Variants in HTR1E observed in about 807,000 individuals in gnomAD.
The protein encoded by HTR1E is 5-hydroxytryptamine receptor 1E.
A neutral mutation model predicts 3.4 loss-of-function variants in HTR1E; 3 were observed. That is an observed-to-expected ratio of 0.89 (90% CI 0.41 to 2.31). HTR1E has a LOEUF of 2.31. Ranked by LOEUF, HTR1E falls within the 30% of genes most tolerant of loss-of-function variation. HTR1E has a pLI of 0.05. For synonymous variants in HTR1E, 170 were observed against 182.8 expected (o/e 0.93, Z 0.56); for missense variants, 392 against 467.0 (o/e 0.84, Z 1.48).
intron 1 of HTR1E, among the ~76,000 whole-genome samples, chr6:87,007,083 T>C (rs1456448283): frequency 6.6e-6 from 1 of 152,030 alleles, no homozygotes; most frequent in Non-Finnish European, 1.5e-5. Context: ...GAACTTAAAA[T>C]AAAAATAAAA....
At chr6:86,991,969 A>G (rs1415087662) in intron 1 of HTR1E, among the ~76,000 whole-genome samples, 1 of 152,124 alleles carries the variant, frequency 6.6e-6, no homozygotes, top group Non-Finnish European at 1.5e-5. Context: ...CATTTTGCCA[A>G]TCACTTGCAT....
At chr6:86,976,686 A>T (rs1368505886) in intron 1 of HTR1E, among the ~76,000 whole-genome samples, 1 of 152,198 alleles carries the variant, frequency 6.6e-6, no homozygotes, top group Non-Finnish European at 1.5e-5. Flanking sequence ...TGCTTTTATA[A>T]AGAAAGAAAC....
rs1397197942 is a variant in HTR1E, at chr6:86,939,050, C to T, written c.-186+1227C>T. Among the ~76,000 whole-genome samples the T allele has an allele frequency of 3.6e-4, 55 of 152,144 alleles. 1 individual carries two copies. Among genetic ancestry groups the T allele is most frequent in the Admixed American group, 3.6e-3 (55 of 15,268 alleles). On this transcript the variant is annotated intron_variant, in intron 1 of 1. Coordinates refer to ENST00000305344, the MANE Select transcript of HTR1E (RefSeq NM_000865.3). ...CTTCATGAGGAGCATATGTGAAATA[C>T]CTTTGAAATACAGAGAAGATTGAGA...
rs1276169513 is a variant in HTR1E, at chr6:87,010,251, G to GACGA, written c.-185-4899_-185-4898insACGA. 1.1e-3 allele frequency among the ~76,000 whole-genome samples: 130 copies of GACGA among 113,710 alleles called. 1 individual carries two copies. The highest frequency in any genetic ancestry group is 4.4e-3 in the South Asian group (13 of 2,922). 74.6% of individuals were successfully genotyped at this position (113,710 alleles called of 152,430 possible). A position where few individuals can be genotyped will look rare whatever the true frequency, so the allele number is the denominator to read the frequency against. On this transcript the variant is annotated intron_variant, in intron 1 of 1. Coordinates refer to ENST00000305344, the MANE Select transcript of HTR1E (RefSeq NM_000865.3). ...GGGCTGAGGGGCTCCTCACTTCTCA[G>GACGA]TAGGGGCGGCCGGGCAGAGGTGCCC...
At chr6:86,982,724 G>A (rs1221933656) in intron 1 of HTR1E, among the ~76,000 whole-genome samples, 1 of 152,176 alleles carries the variant, frequency 6.6e-6, no homozygotes, top group African/African-American at 2.4e-5. Context: ...GTGAAACAAA[G>A]AACGATTATA....
chr6:86,984,845 T>C (rs1582272461), intron 1 of HTR1E, among the ~76,000 whole-genome samples: 2 of 152,312 alleles, frequency 1.3e-5, no homozygotes, highest in South Asian at 2.1e-4. Context: ...TTTGCTCACA[T>C]TTCATTGATG....
chr6:86,982,394 TG>T (rs752785954), intron 1 of HTR1E, among the ~76,000 whole-genome samples: 2 of 152,200 alleles, frequency 1.3e-5, no homozygotes, highest in Non-Finnish European at 2.9e-5. Flanking sequence ...TTGGGTTTCT[TG>T]GAAATAGATT....
At chr6:86,963,218 CAAAA>C (rs1453367730) in intron 1 of HTR1E, among the ~76,000 whole-genome samples, 2 of 151,210 alleles carry the variant, frequency 1.3e-5, no homozygotes, top group African/African-American at 2.4e-5. Context: ...AAAAAATAAA[CAAAA>C]AAATTTACAT....
At chr6:86,971,680 A>G (rs189577916) in intron 1 of HTR1E, among the ~76,000 whole-genome samples, 2 of 152,208 alleles carry the variant, frequency 1.3e-5, no homozygotes, top group East Asian at 3.9e-4. Flanking sequence ...TGTGCTGGAC[A>G]TGAACAGAAA....
At chr6:86,948,310 G>T (rs1332860313) in intron 1 of HTR1E, among the ~76,000 whole-genome samples, 2 of 152,122 alleles carry the variant, frequency 1.3e-5, no homozygotes, top group East Asian at 1.9e-4. Flanking sequence ...TAATATTGTT[G>T]TATGGATATA....
Position 86,982,595 on chromosome 6 carries a change from T to C in HTR1E, c.-185-32555T>C, listed in dbSNP as rs551045972. 9.4e-4 allele frequency among the ~76,000 whole-genome samples: 138 copies of C among 146,240 alleles called. 1 individual carries two copies. The highest frequency in any genetic ancestry group is 3.6e-3 in the African/African-American group (134 of 37,638). On this transcript the variant is annotated intron_variant, in intron 1 of 1. Transcript: ENST00000305344. ...CAGATTGGTGGGCCTGACTTGTGTC[T>C]TCAGCTTAAATTACCTATTCCTCTT...
chr6:86,974,209 A>C (rs1767599512), intron 1 of HTR1E, among the ~76,000 whole-genome samples: 1 of 152,236 alleles, frequency 6.6e-6, no homozygotes, highest in African/African-American at 2.4e-5. Context: ...TGCCAGCCTA[A>C]TGCTCCATCA....
chr6:86,979,732 G>C (rs1767685158), intron 1 of HTR1E, among the ~76,000 whole-genome samples: 1 of 152,162 alleles, frequency 6.6e-6, no homozygotes, highest in Non-Finnish European at 1.5e-5. Context: ...TAATTGAAGA[G>C]ATTTTAATGA....
rs757805485 is a variant in HTR1E, at chr6:87,016,368, C to T, written c.1034C>T (p.Thr345Met). 5.6e-6 allele frequency: 9 copies of T among 1,613,402 alleles called. No homozygotes were observed. In the Admixed American group the frequency reaches 6.7e-5, roughly 12 times the overall value. The change falls in exon 2 of 2, where the codon ACG becomes ATG. Residue 345 changes from threonine to methionine, a missense_variant. Physicochemically the swap from Thr to Met is moderately conservative, Grantham distance 81 (BLOSUM62 -1). Transcript: ENST00000305344. ...VNSLINPLLY[T>M]SFNEDFKLAF... ...TCTCTGATCAACCCTCTGCTCTATA[C>T]GAGTTTTAATGAAGACTTTAAGCTG... is the stretch of plus-strand genomic sequence containing the variant.
intron 1 of HTR1E, among the ~76,000 whole-genome samples, chr6:87,010,834 G>A (rs924995522): frequency 4.6e-5 from 7 of 151,928 alleles, no homozygotes; most frequent in Admixed American, 3.9e-4. Context: ...GGGCCCGTCC[G>A]CTCCTCCAGC....
chr6:86,940,038 G>A (rs1427564048), intron 1 of HTR1E, among the ~76,000 whole-genome samples: 1 of 152,270 alleles, frequency 6.6e-6, no homozygotes, highest in Non-Finnish European at 1.5e-5. Flanking sequence ...CCTAGGAAGA[G>A]ACAAAATCCA....
rs757951765 is a variant in HTR1E at position 87,016,476 on chromosome 6, A to T, written c.*44A>T. 2 of 1,522,662 alleles carry T rather than the reference A, an allele frequency of 1.3e-6. No individual in the cohort carries two copies. The highest frequency in any genetic ancestry group is 2.6e-5 in the South Asian group (2 of 77,454). The allele number at this position is 1,522,662 out of a possible 1,614,324, so 94.3% of individuals were successfully genotyped here. On this transcript the variant is annotated 3_prime_UTR_variant, in exon 2 of 2. Transcript: ENST00000305344. The stretch of plus-strand genomic sequence containing the variant: ...GCACGACTTTTTCCAGAGCCTCATG[A>T]GTGGATGGGGGTAAGGGGTGCAACT...
chr6:86,944,327 T>C (rs973480715), intron 1 of HTR1E, among the ~76,000 whole-genome samples: 2 of 152,302 alleles, frequency 1.3e-5, no homozygotes, highest in Non-Finnish European at 1.5e-5. Context: ...AACCAAATCA[T>C]TGAGAGCCAC....
intron 1 of HTR1E, among the ~76,000 whole-genome samples, chr6:86,998,213 A>C (rs984118712): frequency 6.6e-6 from 1 of 152,088 alleles, no homozygotes; most frequent in African/African-American, 2.4e-5. Context: ...GATGTATATA[A>C]GATTTGAACA....
Sources: allele counts gnomAD v4.1 joint callset (sites outside exome capture counted in the v4.1 genomes callset), GRCh38; gene constraint gnomAD v4.1.1; transcripts MANE v1.5; gene names NCBI Gene and HGNC (gene_info 2026-07-23, HGNC 2026-07-21).